The following TXNRD1 variants were observed in gnomAD, a reference collection of about 807,000 sequenced individuals.
The protein encoded by TXNRD1 is thioredoxin reductase 1, cytoplasmic.
Under a neutral mutation model 80.3 loss-of-function variants are expected in TXNRD1, and 57 were observed. The observed-to-expected ratio is 0.71, with a 90% confidence interval of 0.57 to 0.89. The LOEUF is 0.89. Among genes scored for constraint, TXNRD1 ranks in the 40% least tolerant of loss-of-function variants. TXNRD1 has a pLI of 0.00. For synonymous variants in TXNRD1, 291 were observed against 285.2 expected, an observed-to-expected ratio of 1.02 and a Z score of -0.20; for missense variants, 730 against 803.0, an observed-to-expected ratio of 0.91 and a Z score of 1.10.
At position 104,246,256 on chromosome 12, in the gene TXNRD1, T is replaced by G. The variant is rs748955208; in HGVS notation, c.92-5271T>G. On this transcript the variant is annotated intron_variant, in intron 1 of 16. Transcript: ENST00000525566. Reference sequence around the variant, plus strand: ...TCTTGGCTAACACGGTGAAACCCCGTCTCTACTAAAAATACAAAAAAATTA... The same window carrying G: ...TCTTGGCTAACACGGTGAAACCCCGGCTCTACTAAAAATACAAAAAAATTA... Among the ~76,000 whole-genome samples, 10 of 143,382 alleles carry G rather than the reference T, an allele frequency of 7.0e-5. 1 individual carries two copies. The East Asian group carries it at 1.3e-3, about 18-fold the overall frequency. The allele number at this position is 143,382 out of a possible 152,430, so 94.1% of individuals were successfully genotyped here.
At chr12:104,284,162 G>C (rs2033930431) in intron 3 of TXNRD1, 1 of 152,202 alleles carries the variant, frequency 6.6e-6, no homozygotes, top group South Asian at 2.1e-4. Context: ...TGGATCCTGA[G>C]AAAACAAATA....
At chr12:104,331,476 C>CTT in intron 13 of TXNRD1, 58 bp from the exon 14 acceptor site, 1 of 1,157,104 alleles carries the variant, frequency 8.6e-7, no homozygotes, top group Non-Finnish European at 1.2e-6. Flanking sequence ...TTTTGAATAC[C>CTT]TTTTTTTTTA....
At chr12:104,338,914 C>T (rs551173237) in intron 15 of TXNRD1, among the ~76,000 whole-genome samples, 1 of 152,118 alleles carries the variant, frequency 6.6e-6, no homozygotes, top group East Asian at 2.0e-4. Flanking sequence ...GACGGGGTTT[C>T]ACCGTGTTAA....
At chr12:104,294,653 C>T (rs554008294) in intron 4 of TXNRD1, among the ~76,000 whole-genome samples, 1 of 152,166 alleles carries the variant, frequency 6.6e-6, no homozygotes, top group African/African-American at 2.4e-5. Context: ...TGCCTCGGTG[C>T]CTGGGTGGCT....
chr12:104,299,333 CCA>C (rs2034538980), intron 4 of TXNRD1, among the ~76,000 whole-genome samples: 1 of 151,844 alleles, frequency 6.6e-6, no homozygotes, highest in Non-Finnish European at 1.5e-5. Context: ...TCGTCCCCTC[CCA>C]CAGTCTGTGG....
At chr12:104,306,009 T>TTCTTG (rs1335857072) in intron 4 of TXNRD1, among the ~76,000 whole-genome samples, 2 of 152,162 alleles carry the variant, frequency 1.3e-5, no homozygotes, top group Non-Finnish European at 2.9e-5. Flanking sequence ...GTTCAGGCGA[T>TTCTTG]TCTTGTGCCT....
chr12:104,271,741 G>C (rs1366296749), intron 3 of TXNRD1, among the ~76,000 whole-genome samples: 1 of 152,014 alleles, frequency 6.6e-6, no homozygotes, highest in Non-Finnish European at 1.5e-5. Flanking sequence ...GGATGTATAC[G>C]TGCAGGTCAC....
At chr12:104,255,702 A>G (rs1472598329) in intron 2 of TXNRD1, among the ~76,000 whole-genome samples, 2 of 152,162 alleles carry the variant, frequency 1.3e-5, no homozygotes, top group African/African-American at 4.8e-5. Flanking sequence ...CTGAGGCAGG[A>G]GAATTGCTTG....
intron 15 of TXNRD1, among the ~76,000 whole-genome samples, chr12:104,336,597 GAAGAAGGTACTCACCATCCA>G (rs2036148064): frequency 6.6e-6 from 1 of 152,108 alleles, no homozygotes. Context: ...TAATAAAGAT[GAAGAAGGTACTCACCATCCA>G]AAGTCAAGGA....
rs148264434 is a variant in TXNRD1 at position 104,272,990 on chromosome 12, C to CAA, written c.304+14920_304+14921dup. ...GGGTGACAAGAGTGAGACTCCATCT[C>CAA]AAAAAAAAAAGCATTTAAAATCTAT... On this transcript the variant is annotated intron_variant, in intron 3 of 16. Coordinates refer to ENST00000525566, the MANE Select transcript of TXNRD1 (RefSeq NM_001093771.3). 2.5e-3 allele frequency among the ~76,000 whole-genome samples: 362 copies of CAA among 147,362 alleles called. 1 individual carries two copies. Among genetic ancestry groups the CAA allele is most frequent in the African/African-American group, 8.1e-3 (327 of 40,338 alleles).
At chr12:104,230,901 A>G (rs1334259208) in intron 1 of TXNRD1, among the ~76,000 whole-genome samples, 1 of 152,154 alleles carries the variant, frequency 6.6e-6, no homozygotes, top group African/African-American at 2.4e-5. Flanking sequence ...GCCTTTTAAT[A>G]TGCAAATGCA....
At chr12:104,322,083 A>G (rs2035551420) in intron 10 of TXNRD1, among the ~76,000 whole-genome samples, 1 of 151,808 alleles carries the variant, frequency 6.6e-6, no homozygotes, top group Non-Finnish European at 1.5e-5. Flanking sequence ...AAGAATATGA[A>G]CTTTGGGATC....
At chr12:104,336,427 TTG>T (rs2036142763) in intron 15 of TXNRD1, among the ~76,000 whole-genome samples, 1 of 152,160 alleles carries the variant, frequency 6.6e-6, no homozygotes, top group African/African-American at 2.4e-5. Context: ...AGGTAAAAGC[TTG>T]TAGAACTTCA....
chr12:104,300,716 G>C (rs932231458), intron 4 of TXNRD1, among the ~76,000 whole-genome samples: 1 of 152,184 alleles, frequency 6.6e-6, no homozygotes, highest in African/African-American at 2.4e-5. Flanking sequence ...TTGTTGCCCA[G>C]GCTGGAGTGC....
chr12:104,236,454 G>A (rs368770874), intron 1 of TXNRD1, among the ~76,000 whole-genome samples: 2 of 152,146 alleles, frequency 1.3e-5, no homozygotes, highest in African/African-American at 2.4e-5. Context: ...GGCTAAAGTC[G>A]AGTAACAAGG....
chr12:104,272,790 TAAA>T (rs34460613), intron 3 of TXNRD1, among the ~76,000 whole-genome samples: 1 of 129,726 alleles, frequency 7.7e-6, no homozygotes, highest in Non-Finnish European at 1.6e-5. Context: ...AGACTCCACC[TAAA>T]AAAAAAAAAA....
chr12:104,315,094 C>G (rs569922244), intron 6 of TXNRD1, among the ~76,000 whole-genome samples: 1 of 152,206 alleles, frequency 6.6e-6, no homozygotes, highest in South Asian at 2.1e-4. Flanking sequence ...CTCTAATCAT[C>G]CCCAGCATAG....
Position 104,251,737 on chromosome 12 carries a change from G to A in TXNRD1, c.243+59G>A. 4 of 1,579,006 alleles carry A rather than the reference G, an allele frequency of 2.5e-6. No individual in the cohort carries two copies. The South Asian group carries it at 4.5e-5, about 18-fold the overall frequency. On this transcript the variant is annotated intron_variant, in intron 2 of 16. Coordinates refer to ENST00000525566, the MANE Select transcript of TXNRD1 (RefSeq NM_001093771.3). ...TTGAAGGAATTTGACAGACTTTTGAGCTCAAATGTAAACAACTGGATTTTA... is the reference window on the plus strand; with the variant it reads ...TTGAAGGAATTTGACAGACTTTTGAACTCAAATGTAAACAACTGGATTTTA...
At chr12:104,308,042 C>T (rs1484313428) in intron 4 of TXNRD1, among the ~76,000 whole-genome samples, 2 of 150,760 alleles carry the variant, frequency 1.3e-5, no homozygotes, top group East Asian at 3.9e-4. Flanking sequence ...GTAGCCCAGG[C>T]TGGAGTGCAG....
Sources: gnomAD v4.1 joint callset for allele counts (sites outside exome capture counted in the v4.1 genomes callset) on GRCh38, gnomAD v4.1.1 for gene constraint, MANE v1.5 for transcripts, NCBI Gene and HGNC (gene_info 2026-07-23, HGNC 2026-07-21) for gene names.